The following MINDY2 variants were observed in gnomAD, a reference collection of about 807,000 sequenced individuals.
MINDY2 encodes ubiquitin carboxyl-terminal hydrolase MINDY-2.
MINDY2 carries 52 observed loss-of-function variants against 68.2 expected under a neutral mutation model. That is an observed-to-expected ratio of 0.76 (90% CI 0.61 to 0.96). The LOEUF (loss-of-function observed/expected upper bound fraction) is 0.96. Among genes scored for constraint, MINDY2 ranks in the 40% least tolerant of loss-of-function variants. MINDY2 has a pLI of 0.00. For missense variants in MINDY2, 881 were observed against 773.4 expected, an observed-to-expected ratio of 1.14 and a Z score of -1.65; for synonymous variants, 372 against 303.0, an observed-to-expected ratio of 1.23 and a Z score of -2.36.
intron 3 of MINDY2, among the ~76,000 whole-genome samples, chr15:58,805,207 C>T (rs1387814617): frequency 6.6e-6 from 1 of 152,160 alleles, no homozygotes; most frequent in African/African-American, 2.4e-5. Context: ...GTTATTATTA[C>T]ATTACTGTTT....
intron 8 of MINDY2, among the ~76,000 whole-genome samples, chr15:58,854,020 G>A (rs1209507255): frequency 5.9e-5 from 9 of 151,514 alleles, no homozygotes; most frequent in Non-Finnish European, 7.4e-5. Flanking sequence ...CAAGGTGGGC[G>A]GATCACAAAG....
intron 2 of MINDY2, among the ~76,000 whole-genome samples, chr15:58,791,716 AAATT>A (rs1317055650): frequency 1.3e-5 from 2 of 151,360 alleles, no homozygotes; most frequent in Non-Finnish European, 2.9e-5. Flanking sequence ...TATATAATAT[AAATT>A]AAATTTAATA....
In MINDY2 at chr15:58,859,621, G is replaced by A. The variant is rs1232266398; in HGVS notation, c.*5011G>A. The A allele has an allele frequency of 6.6e-6, 1 of 152,098 alleles. No individual in the cohort carries two copies. Among genetic ancestry groups the A allele is most frequent in the Non-Finnish European group, 1.5e-5 (1 of 68,000 alleles). 9.4% of individuals were successfully genotyped at this position (152,098 alleles called of 1,614,324 possible). Reference sequence around the variant, plus strand: ...TGACACTTTAAATATTAAAATCAGAGGCTTCCTGAACAAAACAAATTGCAA... The same window carrying A: ...TGACACTTTAAATATTAAAATCAGAAGCTTCCTGAACAAAACAAATTGCAA... On this transcript the variant is annotated 3_prime_UTR_variant, in exon 9 of 9. Transcript: ENST00000559228.
At chr15:58,792,294 G>T (rs112322674) in intron 2 of MINDY2, among the ~76,000 whole-genome samples, 1 of 152,196 alleles carries the variant, frequency 6.6e-6, no homozygotes, top group African/African-American at 2.4e-5. Context: ...AAGTGAAAAC[G>T]TATGTCCATA....
Position 58,847,386 on chromosome 15 carries a change from A to G in MINDY2, c.1458A>G (p.Gly486=). The change falls in exon 7 of 9, where the codon GGA becomes GGG. Residue 486 remains glycine, a synonymous_variant. Transcript: ENST00000559228. The part of the protein sequence containing the change: ...WESLHNVDGD[G]NFCDSEFHLR... ...GCCTACACAACGTAGATGGTGATGGAAATTTCTGTGACTCAGAATTTCATC... is the reference window on the plus strand; with the variant it reads ...GCCTACACAACGTAGATGGTGATGGGAATTTCTGTGACTCAGAATTTCATC... 3 of 1,609,228 alleles carry G rather than the reference A, an allele frequency of 1.9e-6. No individual in the cohort carries two copies. The highest frequency in any genetic ancestry group is 2.6e-6 in the Non-Finnish European group (3 of 1,176,406).
At chr15:58,774,339 A>G (rs1385138091) in intron 1 of MINDY2, among the ~76,000 whole-genome samples, 1 of 151,730 alleles carries the variant, frequency 6.6e-6, no homozygotes, top group African/African-American at 2.4e-5. Context: ...AAAAAATTAG[A>G]CGGGCATGGT....
intron 6 of MINDY2, among the ~76,000 whole-genome samples, chr15:58,843,374 C>G (rs1042583633): frequency 1.3e-5 from 2 of 152,030 alleles, no homozygotes; most frequent in Admixed American, 6.6e-5. Flanking sequence ...AGGTCTGAAA[C>G]TCCTGACCTC....
intron 2 of MINDY2, among the ~76,000 whole-genome samples, chr15:58,791,182 A>G (rs1901866911): frequency 7.1e-6 from 1 of 140,588 alleles, no homozygotes; most frequent in Non-Finnish European, 1.6e-5. Context: ...TCCTTCTCAA[A>G]AAAAAAAAAA....
In MINDY2 at chr15:58,771,977, G is replaced by C. The variant is rs571172591; in HGVS notation, c.582G>C (p.Glu194Asp). 1.9e-6 allele frequency: 3 copies of C among 1,579,692 alleles called. No individual in the cohort carries two copies. Among genetic ancestry groups the C allele is most frequent in the African/African-American group, 2.7e-5 (2 of 74,076 alleles). The change falls in exon 1 of 9, where the codon GAG (glutamate) becomes GAC (aspartate). Residue 194 changes from glutamate to aspartate, a missense_variant. Transcript: ENST00000559228. ...CCAGTAGCTGCGAGTTCAATAGTGA[G>C]GAGGGAGCGGAGAACAGGGTCCCTG... ...SFPSSCEFNS[E>D]EGAENRVPEE...
intron 2 of MINDY2, among the ~76,000 whole-genome samples, chr15:58,793,872 A>T (rs1194206080): frequency 2.6e-5 from 4 of 152,008 alleles, no homozygotes; most frequent in Admixed American, 2.0e-4. Flanking sequence ...TGGTTAGAGA[A>T]ATGGGAGATT....
intron 6 of MINDY2, 30 bp from the exon 7 acceptor site, chr15:58,847,267 G>A (rs1248378858): frequency 9.9e-6 from 15 of 1,513,604 alleles, no homozygotes; most frequent in African/African-American, 4.2e-5. Context: ...CAATTTAACA[G>A]TCCTTTTTCT....
chr15:58,835,374 T>G (rs2031942103), intron 6 of MINDY2, among the ~76,000 whole-genome samples: 1 of 152,128 alleles, frequency 6.6e-6, no homozygotes, highest in African/African-American at 2.4e-5. Flanking sequence ...TACCTGAGGC[T>G]GGGTGCGGTG....
Position 58,826,476 on chromosome 15 carries a change from G to A in MINDY2, c.1225+4657G>A, listed in dbSNP as rs185661631. Among the ~76,000 whole-genome samples the A allele has an allele frequency of 5.1e-3, 769 of 151,994 alleles. 7 individuals carry two copies. The highest frequency in any genetic ancestry group is 4.9e-3 in the Non-Finnish European group (331 of 67,950). On this transcript the variant is annotated intron_variant, in intron 5 of 8. Coordinates refer to ENST00000559228, the MANE Select transcript of MINDY2 (RefSeq NM_001040450.3). ...ACTCCCAACCTCAGGTGATCCGCCC[G>A]CCTTGGCCTTCCAAAGTGCTGGTAT...
intron 5 of MINDY2, among the ~76,000 whole-genome samples, chr15:58,829,587 T>C (rs2141016226): frequency 1.3e-5 from 2 of 152,308 alleles, no homozygotes; most frequent in Middle Eastern, 6.8e-3. Context: ...TTGAAAGGGA[T>C]CTGTGGAGAG....
intron 8 of MINDY2, among the ~76,000 whole-genome samples, chr15:58,853,519 C>T (rs2032932026): frequency 6.6e-6 from 1 of 151,882 alleles, no homozygotes; most frequent in Non-Finnish European, 1.5e-5. Context: ...TTCTTTTCTC[C>T]TTTTAAAATC....
At chr15:58,833,897 G>A (rs2031867693) in intron 6 of MINDY2, among the ~76,000 whole-genome samples, 1 of 152,056 alleles carries the variant, frequency 6.6e-6, no homozygotes, top group South Asian at 2.1e-4. Flanking sequence ...CGGGCTGCCG[G>A]ACGGTCAGGT....
chr15:58,826,225 C>CTTTTTTTT (rs34666834), intron 5 of MINDY2, among the ~76,000 whole-genome samples: 11 of 98,160 alleles, frequency 1.1e-4, no homozygotes, highest in Admixed American at 2.4e-4. Context: ...TTCACACAAT[C>CTTTTTTTT]TTTTTTTTTT....
chr15:58,829,044 C>CAAT (rs1212475245), intron 5 of MINDY2, among the ~76,000 whole-genome samples: 1 of 152,044 alleles, frequency 6.6e-6, no homozygotes, highest in African/African-American at 2.4e-5. Context: ...TTATTTGAAT[C>CAAT]AATAACACCT....
intron 4 of MINDY2, among the ~76,000 whole-genome samples, chr15:58,814,852 A>G (rs1435735104): frequency 1.5e-4 from 21 of 143,638 alleles, no homozygotes; most frequent in African/African-American, 5.2e-4. Context: ...TTGAACTCCC[A>G]GGCTGGTCTT....
Sources: gnomAD v4.1 joint callset for allele counts (sites outside exome capture counted in the v4.1 genomes callset) on GRCh38, gnomAD v4.1.1 for gene constraint, MANE v1.5 for transcripts, NCBI Gene and HGNC (gene_info 2026-07-23, HGNC 2026-07-21) for gene names.